The following CA10 variants were observed in gnomAD, a reference collection of about 807,000 sequenced individuals.
CA10 encodes the protein carbonic anhydrase 10 (inactive), also known as carbonic anhydrase-related protein 10.
A neutral mutation model predicts 44.2 loss-of-function variants in CA10; 14 were observed. The ratio of observed to expected loss-of-function variants is 0.32; its 90% CI spans 0.21 to 0.50. The LOEUF is 0.50. CA10 is among the 20% of genes least tolerant of loss of function. The pLI, the probability that CA10 is intolerant of heterozygous loss-of-function variation, is 0.99. For missense variants in CA10, 350 were observed against 409.7 expected, an observed-to-expected ratio of 0.85 and a Z score of 1.26; for synonymous variants, 159 against 141.6, an observed-to-expected ratio of 1.12 and a Z score of -0.87.
intron 1 of CA10, among the ~76,000 whole-genome samples, chr17:52,133,989 G>T (rs1285875972): frequency 6.6e-6 from 1 of 152,186 alleles, no homozygotes; most frequent in Non-Finnish European, 1.5e-5. Flanking sequence ...ATATCATGCT[G>T]GTGATGTGAG....
chr17:51,914,078 G>A (rs1247287254), intron 3 of CA10, among the ~76,000 whole-genome samples: 1 of 152,102 alleles, frequency 6.6e-6, no homozygotes, highest in Non-Finnish European at 1.5e-5. Context: ...GTCCTTTGAG[G>A]CTCATGACTT....
At chr17:52,029,409 G>C (rs1567708588) in intron 2 of CA10, among the ~76,000 whole-genome samples, 1 of 152,138 alleles carries the variant, frequency 6.6e-6, no homozygotes, top group Non-Finnish European at 1.5e-5. Flanking sequence ...CACTGATTTA[G>C]ATAGAGCACC....
intron 3 of CA10, among the ~76,000 whole-genome samples, chr17:51,766,637 A>G (rs16950487): frequency 0.32 from 48,994 of 152,042 alleles, 9,293 homozygotes; most frequent in East Asian, 0.57. Flanking sequence ...CAGTTTGCTT[A>G]TTTTTGCTTA....
At chr17:51,922,552 T>A (rs1237188186) in intron 3 of CA10, among the ~76,000 whole-genome samples, 5 of 152,190 alleles carry the variant, frequency 3.3e-5, no homozygotes, top group African/African-American at 1.2e-4. Context: ...CTCTAAGCCC[T>A]TTCTCCTGCA....
Position 52,098,769 on chromosome 17 carries a change from A to G in CA10, c.62-26376T>C, listed in dbSNP as rs563549503. 1.0e-3 allele frequency among the ~76,000 whole-genome samples: 155 copies of G among 152,296 alleles called. 3 individuals carry two copies. The South Asian group carries it at 0.03, about 30-fold the overall frequency. On this transcript the variant is annotated intron_variant, in intron 1 of 8. Transcript: ENST00000451037. ...AGAAGGTATACCTAGCATGCATCCAACAATGCACCTGAGCTTCTTTAGCTG... is the reference window on the plus strand; with the variant it reads ...AGAAGGTATACCTAGCATGCATCCAGCAATGCACCTGAGCTTCTTTAGCTG...
chr17:51,962,522 G>C (rs541962747), intron 2 of CA10, among the ~76,000 whole-genome samples: 1 of 152,240 alleles, frequency 6.6e-6, no homozygotes, highest in South Asian at 2.1e-4. Flanking sequence ...TGGTAAACAA[G>C]AATAAAATAT....
rs551992120 is a variant in CA10, at chr17:51,905,256, T to C, written c.279+25734A>G. ...GGAAAATGGGGCTTAGGCTTGGAGATAGGAGTCTTTGCGCAAAAGGTTTGC... is the reference window on the plus strand; with the variant it reads ...GGAAAATGGGGCTTAGGCTTGGAGACAGGAGTCTTTGCGCAAAAGGTTTGC... On this transcript the variant is annotated intron_variant, in intron 3 of 8. Coordinates refer to ENST00000451037, the MANE Select transcript of CA10 (RefSeq NM_020178.5). Among the ~76,000 whole-genome samples, 6 of 152,266 alleles carry C rather than the reference T, an allele frequency of 3.9e-5. No homozygotes were observed. The South Asian group carries it at 1.0e-3, about 26-fold the overall frequency.
At chr17:51,726,464 A>G (rs551837461) in intron 4 of CA10, among the ~76,000 whole-genome samples, 97 of 152,336 alleles carry the variant, frequency 6.4e-4, no homozygotes, top group African/African-American at 2.2e-3. Context: ...AGAAAACGAT[A>G]AGTGTGCAAG....
intron 6 of CA10, among the ~76,000 whole-genome samples, chr17:51,640,782 A>G (rs1380120444): frequency 6.6e-6 from 1 of 152,194 alleles, no homozygotes; most frequent in Non-Finnish European, 1.5e-5. Context: ...GTCACAAACT[A>G]TCTTGTCCTT....
intron 4 of CA10, among the ~76,000 whole-genome samples, chr17:51,664,677 A>AG (rs1380573805): frequency 6.6e-6 from 1 of 152,020 alleles, no homozygotes; most frequent in Non-Finnish European, 1.5e-5. Flanking sequence ...GAGACAATTC[A>AG]GGCCAAAGCA....
rs915851315 is a variant in CA10 at position 52,103,199 on chromosome 17, CTAAG to C, written c.62-30810_62-30807del. Among the ~76,000 whole-genome samples the C allele has an allele frequency of 1.2e-4, 19 of 152,278 alleles. No individual in the cohort carries two copies. The South Asian group carries it at 1.5e-3, about 12-fold the overall frequency. On this transcript the variant is annotated intron_variant, in intron 1 of 8. Transcript: ENST00000451037. ...TCCCTGGTAATTTTTGTACACAGCC[CTAAG>C]TAAGACTTCTCCACTATTTAGCGCA...
At chr17:51,711,901 G>A (rs985088130) in intron 4 of CA10, among the ~76,000 whole-genome samples, 31 of 152,136 alleles carry the variant, frequency 2.0e-4, no homozygotes, top group Non-Finnish European at 1.0e-4. Context: ...CAGGAAAAGC[G>A]GTGGCTGTGA....
At chr17:51,789,591 A>G (rs942650530) in intron 3 of CA10, among the ~76,000 whole-genome samples, 2 of 151,682 alleles carry the variant, frequency 1.3e-5, no homozygotes, top group Non-Finnish European at 2.9e-5. Flanking sequence ...TGCTCATGAT[A>G]CTCCCTCAGT....
At chr17:51,879,603 C>T (rs1461938601) in intron 3 of CA10, among the ~76,000 whole-genome samples, 1 of 152,152 alleles carries the variant, frequency 6.6e-6, no homozygotes, top group Non-Finnish European at 1.5e-5. Context: ...CGTTGAGAAA[C>T]TTCTGAATGA....
intron 3 of CA10, chr17:51,748,461 T>G (rs921588473): frequency 1.5e-4 from 149 of 985,090 alleles, no homozygotes; most frequent in Non-Finnish European, 1.7e-4. Flanking sequence ...TCCAGCCCCT[T>G]CAAACTGCTA....
chr17:52,142,447 T>C (rs1989501691), intron 1 of CA10, among the ~76,000 whole-genome samples: 1 of 152,210 alleles, frequency 6.6e-6, no homozygotes, highest in Non-Finnish European at 1.5e-5. Flanking sequence ...GATAATACTG[T>C]ACTAAATGCT....
intron 3 of CA10, among the ~76,000 whole-genome samples, chr17:51,789,700 G>T (rs1391502025): frequency 1.3e-5 from 2 of 152,124 alleles, no homozygotes; most frequent in South Asian, 2.1e-4. Context: ...TCCTGTAATG[G>T]TTCCCTAAGC....
chr17:51,910,725 C>T (rs532892964), intron 3 of CA10, among the ~76,000 whole-genome samples: 3 of 152,258 alleles, frequency 2.0e-5, no homozygotes, highest in South Asian at 2.1e-4. Flanking sequence ...CAAGGTTTTT[C>T]CTAGCAATTA....
At chr17:52,039,872 G>A (rs749311160) in intron 2 of CA10, among the ~76,000 whole-genome samples, 24 of 151,922 alleles carry the variant, frequency 1.6e-4, no homozygotes, top group Non-Finnish European at 2.8e-4. Flanking sequence ...CATAATGGTC[G>A]TCAATTATTA....
Sources: allele counts gnomAD v4.1 joint callset (sites outside exome capture counted in the v4.1 genomes callset), GRCh38; gene constraint gnomAD v4.1.1; transcripts MANE v1.5; gene names NCBI Gene and HGNC (gene_info 2026-07-23, HGNC 2026-07-21).